The following SIPA1L1 variants were observed in gnomAD, a reference collection of about 807,000 sequenced individuals.
SIPA1L1 encodes the protein signal-induced proliferation-associated 1-like protein 1.
SIPA1L1 carries 26 observed loss-of-function variants against 162.7 expected under a neutral mutation model. The observed-to-expected ratio is 0.16, with a 90% CI of 0.12 to 0.22. The LOEUF (loss-of-function observed/expected upper bound fraction) is 0.22. Ranked by LOEUF, SIPA1L1 falls within the 10% of genes least tolerant of loss-of-function variation. The pLI, the probability that SIPA1L1 is intolerant of heterozygous loss-of-function variation, is 1.00. For synonymous variants in SIPA1L1, 829 were observed against 837.4 expected, an observed-to-expected ratio of 0.99 and a Z score of 0.17; for missense variants, 1,874 against 2,241.0, an observed-to-expected ratio of 0.84 and a Z score of 3.31.
chr14:71,509,209 C>A (rs770630258), intron 2 of SIPA1L1, among the ~76,000 whole-genome samples: 2 of 152,124 alleles, frequency 1.3e-5, no homozygotes, highest in Non-Finnish European at 2.9e-5. Context: ...CTGCTGATAT[C>A]ATCTATATTG....
intron 19 of SIPA1L1, among the ~76,000 whole-genome samples, chr14:71,725,908 GAA>G (rs1360748184): frequency 6.6e-6 from 1 of 152,192 alleles, no homozygotes; most frequent in African/African-American, 2.4e-5. Flanking sequence ...GATTGAAATG[GAA>G]GCTAGAATAT....
intron 2 of SIPA1L1, among the ~76,000 whole-genome samples, chr14:71,480,368 C>T (rs1192611554): frequency 6.7e-6 from 1 of 150,040 alleles, no homozygotes; most frequent in Admixed American, 6.6e-5. Flanking sequence ...GGATTACAGG[C>T]GTGAGCCACC....
intron 20 of SIPA1L1, among the ~76,000 whole-genome samples, chr14:71,731,298 G>A (rs1016449202): frequency 2.0e-5 from 3 of 151,146 alleles, no homozygotes; most frequent in South Asian, 4.2e-4. Context: ...CACCCTGCTC[G>A]CCCCAAGGAT....
At chr14:71,358,532 G>A (rs2037494879) in intron 2 of SIPA1L1, among the ~76,000 whole-genome samples, 1 of 152,184 alleles carries the variant, frequency 6.6e-6, no homozygotes, top group Admixed American at 6.5e-5. Flanking sequence ...TTTGTAGTGA[G>A]TCTTACCCTG....
chr14:71,503,443 G>A (rs1052280999), intron 2 of SIPA1L1, among the ~76,000 whole-genome samples: 22 of 152,128 alleles, frequency 1.4e-4, no homozygotes, highest in African/African-American at 5.1e-4. Context: ...AACAGTATAG[G>A]CAGAAGTAGT....
intron 2 of SIPA1L1, among the ~76,000 whole-genome samples, chr14:71,356,728 C>T (rs2037311361): frequency 6.6e-6 from 1 of 151,912 alleles, no homozygotes; most frequent in Non-Finnish European, 1.5e-5. Context: ...CAAAATACAG[C>T]AACAACAAAT....
chr14:71,678,660 T>G (rs1307904542), intron 12 of SIPA1L1, among the ~76,000 whole-genome samples: 7 of 152,148 alleles, frequency 4.6e-5, no homozygotes, highest in Non-Finnish European at 1.0e-4. Flanking sequence ...CCTCATAAAA[T>G]GAGTTAGGGA....
chr14:71,589,196 T>C lies in SIPA1L1; in HGVS notation c.1324T>C (p.Cys442Arg). The C allele has an allele frequency of 1.2e-6, 2 of 1,614,100 alleles. No homozygotes were observed. The highest frequency in any genetic ancestry group is 1.7e-6 in the Non-Finnish European group (2 of 1,179,960). The change falls in exon 5 of 24, where the codon TGT becomes CGT. Residue 442 changes from cysteine to arginine, a missense_variant. Coordinates refer to ENST00000381232, the MANE Select transcript of SIPA1L1 (RefSeq NM_001386936.1). ...SKSNSGSFSG[C>R]ESASFESTLS... ...ATCAAATTCTGGCTCCTTTAGTGGA[T>C]GTGAAAGTGCCTCCTTTGAGTCTAC...
Position 71,700,994 on chromosome 14 carries a change from C to CAAAAAAAA in SIPA1L1, c.3522-1354_3522-1347dup, listed in dbSNP as rs539293669. Among the ~76,000 whole-genome samples the CAAAAAAAA allele has an allele frequency of 7.3e-4, 38 of 51,750 alleles. 2 individuals are homozygous for CAAAAAAAA. The highest frequency in any genetic ancestry group is 1.2e-3 in the Non-Finnish European group (36 of 29,726). The allele number at this position is 51,750 out of a possible 152,430, so 34.0% of individuals were successfully genotyped here. A position where few individuals can be genotyped will look rare whatever the true frequency, so the allele number is the denominator to read the frequency against. Reference sequence around the variant, plus strand: ...TAGGGGACAGAGCAAGACTCCGTCTCAAAAAAAAAAAAAAAAAAAAAAAAA... The same window carrying CAAAAAAAA: ...TAGGGGACAGAGCAAGACTCCGTCTCAAAAAAAAAAAAAAAAAAAAAAAAAAAAAAAAA... On this transcript the variant is annotated intron_variant, in intron 14 of 23. Coordinates refer to ENST00000381232, the MANE Select transcript of SIPA1L1 (RefSeq NM_001386936.1).
chr14:71,354,711 A>T (rs986498707), intron 2 of SIPA1L1, among the ~76,000 whole-genome samples: 1 of 152,188 alleles, frequency 6.6e-6, no homozygotes, highest in Non-Finnish European at 1.5e-5. Flanking sequence ...TTCTCTATGA[A>T]ATTTTAAAAT....
Position 71,672,636 on chromosome 14 carries a change from G to A in SIPA1L1, c.3104+14G>A. On this transcript the variant is annotated intron_variant, in intron 12 of 23. Transcript: ENST00000381232. ...CACCCCGCGGAGGTAGGTCTGAGGA[G>A]ACAGCTGTGGGCCTGAGACTCGAGT... The A allele has an allele frequency of 6.2e-7, 1 of 1,609,170 alleles. No individual in the cohort carries two copies. The highest frequency in any genetic ancestry group is 8.5e-7 in the Non-Finnish European group (1 of 1,176,114).
intron 9 of SIPA1L1, 58 bp downstream of exon 9, chr14:71,658,494 T>A: frequency 1.8e-6 from 2 of 1,113,516 alleles, no homozygotes; most frequent in Non-Finnish European, 2.8e-6. Context: ...TCTAGAAGCC[T>A]AAGTGGCAAG....
intron 5 of SIPA1L1, among the ~76,000 whole-genome samples, chr14:71,594,229 A>G (rs1269037672): frequency 6.6e-6 from 1 of 152,200 alleles, no homozygotes; most frequent in Non-Finnish European, 1.5e-5. Context: ...GATTTGTACT[A>G]AAGTTACAGC....
chr14:71,641,121 A>T (rs1166145733), intron 7 of SIPA1L1, among the ~76,000 whole-genome samples: 2 of 152,138 alleles, frequency 1.3e-5, no homozygotes, highest in Admixed American at 1.3e-4. Context: ...GTAACAGCAA[A>T]ATATATATAT....
chr14:71,526,743 T>C (rs2052917641), intron 3 of SIPA1L1, among the ~76,000 whole-genome samples: 1 of 152,234 alleles, frequency 6.6e-6, no homozygotes, highest in Non-Finnish European at 1.5e-5. Context: ...AAAAAAATCC[T>C]GATTCCTGCT....
At chr14:71,574,864 T>C (rs895893998) in intron 4 of SIPA1L1, 1 of 152,312 alleles carries the variant, frequency 6.6e-6, no homozygotes, top group East Asian at 1.9e-4. Flanking sequence ...TTTTTAAGTT[T>C]AGGGGATTAG....
At chr14:71,632,234 A>C (rs987286749) in intron 7 of SIPA1L1, among the ~76,000 whole-genome samples, 4 of 152,120 alleles carry the variant, frequency 2.6e-5, no homozygotes, top group African/African-American at 9.7e-5. Flanking sequence ...GGACCTTGAG[A>C]TCTCTGGAAT....
At chr14:71,683,980 T>G (rs1443655394) in intron 12 of SIPA1L1, among the ~76,000 whole-genome samples, 2 of 152,222 alleles carry the variant, frequency 1.3e-5, no homozygotes, top group African/African-American at 2.4e-5. Flanking sequence ...TGTCTTAGGT[T>G]GTCATCCAGA....
chr14:71,444,850 A>G (rs2045221556), intron 2 of SIPA1L1, among the ~76,000 whole-genome samples: 1 of 152,164 alleles, frequency 6.6e-6, no homozygotes. Flanking sequence ...GGAATGTTAT[A>G]AAGAAGCTGA....
Sources: gnomAD v4.1 joint callset for allele counts (sites outside exome capture counted in the v4.1 genomes callset) on GRCh38, gnomAD v4.1.1 for gene constraint, MANE v1.5 for transcripts, NCBI Gene and HGNC (gene_info 2026-07-23, HGNC 2026-07-21) for gene names.